Variants in PPP2R1B observed in about 807,000 individuals in gnomAD.
PPP2R1B encodes protein phosphatase 2 scaffold subunit Abeta.
A neutral mutation model predicts 72.7 loss-of-function variants in PPP2R1B; 58 were observed. The observed-to-expected ratio is 0.80, with a 90% CI of 0.65 to 0.99. PPP2R1B has a LOEUF of 0.99. PPP2R1B is among the 50% of genes least tolerant of loss of function. The pLI, the probability that PPP2R1B is intolerant of heterozygous loss-of-function variation, is 0.00. For synonymous variants in PPP2R1B, 256 were observed against 264.6 expected (o/e 0.97, Z 0.32); for missense variants, 695 against 733.6 (o/e 0.95, Z 0.61).
the PPP2R1B span, chr11:111,720,411 C>T: frequency 6.8e-6 from 10 of 1,469,404 alleles, no homozygotes; most frequent in East Asian, 2.3e-4. Context: ...GCTGGTTATG[C>T]TTTGTACCCT....
intron 1 of PPP2R1B, 184 bp downstream of exon 1, chr11:111,766,064 C>A: frequency 1.6e-6 from 1 of 632,978 alleles, no homozygotes; most frequent in Non-Finnish European, 2.8e-6. Context: ...TAGAGAGGTA[C>A]CCGGGAGGGT....
chr11:111,698,643 G>C, the PPP2R1B span, among the ~76,000 whole-genome samples: 1 of 152,166 alleles, frequency 6.6e-6, no homozygotes, highest in Non-Finnish European at 1.5e-5. Flanking sequence ...GTTGAGGTGC[G>C]AGGACTGCAG....
chr11:111,739,806 A>AT lies in PPP2R1B; in HGVS notation c.*1789dup. 1.0e-6 allele frequency: 1 copy of AT among 967,652 alleles called. No individual in the cohort carries two copies. The highest frequency in any genetic ancestry group is 1.2e-6 in the Non-Finnish European group (1 of 813,756). The allele number at this position is 967,652 out of a possible 1,614,324, so 59.9% of individuals were successfully genotyped here. ...ATTAAAATGTTTACAGAATAATAGCATAAGATATTAAAATGAGAATATAGA... is the reference window on the plus strand; with the variant it reads ...ATTAAAATGTTTACAGAATAATAGCATTAAGATATTAAAATGAGAATATAGA... On this transcript the variant is annotated 3_prime_UTR_variant, in exon 15 of 15. Transcript: ENST00000527614.
chr11:111,723,398 A>G, downstream of PPP2R1B: 2 of 1,313,870 alleles, frequency 1.5e-6, no homozygotes, highest in Admixed American at 2.3e-5. Context: ...GAGAGACTTA[A>G]GTAGAAGACT....
chr11:111,703,103 A>G, the PPP2R1B span: 1 of 993,836 alleles, frequency 1.0e-6, no homozygotes, highest in Non-Finnish European at 1.5e-6. Context: ...AGTAGAGGAT[A>G]CAAAGATTAA....
At chr11:111,718,311 G>T in the PPP2R1B span, among the ~76,000 whole-genome samples, 1 of 152,158 alleles carries the variant, frequency 6.6e-6, no homozygotes, top group African/African-American at 2.4e-5. Flanking sequence ...ATTCTTTCTT[G>T]CAAGGAAACT....
chr11:111,766,378 C>T lies in PPP2R1B; in HGVS notation c.-17G>A. 1.2e-6 allele frequency: 2 copies of T among 1,600,288 alleles called. No homozygotes were observed. Among genetic ancestry groups the T allele is most frequent in the Non-Finnish European group, 8.5e-7 (1 of 1,174,826 alleles). ...GCCCGCCATGTTCTTTCTCCTCCTGCTGCTGGTCACCGCCTCCCGCCCCGC... is the reference window on the plus strand; with the variant it reads ...GCCCGCCATGTTCTTTCTCCTCCTGTTGCTGGTCACCGCCTCCCGCCCCGC... On this transcript the variant is annotated 5_prime_UTR_variant, in exon 1 of 15. Transcript: ENST00000527614.
rs782678834 is a variant in PPP2R1B, at chr11:111,753,544, A to C, written c.1063T>G (p.Ser355Ala). 8.7e-6 allele frequency: 14 copies of C among 1,612,716 alleles called. No homozygotes were observed. The highest frequency in any genetic ancestry group is 1.7e-4 in the Middle Eastern group (1 of 6,060). Residue 355 changes from serine (S) to alanine (A), a missense_variant, in exon 9 of 15, where the codon TCG becomes GCG. Physicochemically the swap from Ser to Ala is moderately conservative, Grantham distance 99 (BLOSUM62 1). Coordinates refer to ENST00000527614, the MANE Select transcript of PPP2R1B (RefSeq NM_002716.5). Reference protein sequence around the residue: ...LVSDTNQHVKSALASVIMGLS... With the variant: ...LVSDTNQHVKAALASVIMGLS... ...CCCATAATTACAGAAGCTAGAGCCGATTTGACATGTTGATTGGTATCGGAT... is the reference window on the plus strand; with the variant it reads ...CCCATAATTACAGAAGCTAGAGCCGCTTTGACATGTTGATTGGTATCGGAT...
chr11:111,704,124 G>C, the PPP2R1B span, among the ~76,000 whole-genome samples: 1 of 152,268 alleles, frequency 6.6e-6, no homozygotes, highest in Admixed American at 6.5e-5. Flanking sequence ...CCTTTCCCCC[G>C]CCACGTAGCC....
chr11:111,742,323 AG>A, intron 13 of PPP2R1B, 179 bp from the exon 14 acceptor site: 45 of 643,520 alleles, frequency 7.0e-5, no homozygotes, highest in South Asian at 4.4e-4. Flanking sequence ...GCTTCAGACA[AG>A]GATCTACACA....
intron 7 of PPP2R1B, 50 bp from the exon 8 acceptor site, chr11:111,754,619 G>C: frequency 6.4e-7 from 1 of 1,570,304 alleles, no homozygotes; most frequent in Non-Finnish European, 8.6e-7. Flanking sequence ...CATTTACAAA[G>C]AGCCAAATGA....
chr11:111,706,296 A>T, the PPP2R1B span, among the ~76,000 whole-genome samples: 1 of 152,162 alleles, frequency 6.6e-6, no homozygotes, highest in Non-Finnish European at 1.5e-5. Flanking sequence ...CTTAGAGATG[A>T]CTCTGTTCTT....
chr11:111,763,209 T>C (rs1555051899), intron 3 of PPP2R1B, among the ~76,000 whole-genome samples: 1 of 152,204 alleles, frequency 6.6e-6, no homozygotes, highest in East Asian at 1.9e-4. Flanking sequence ...AGGGAAGACC[T>C]AGGGCAAAGG....
the PPP2R1B span, chr11:111,721,800 G>T: frequency 6.4e-7 from 1 of 1,564,716 alleles, no homozygotes; most frequent in Non-Finnish European, 8.7e-7. Flanking sequence ...ATGGGGAATT[G>T]AAAATTGTTT....
the PPP2R1B span, among the ~76,000 whole-genome samples, chr11:111,708,953 A>G: frequency 6.6e-6 from 1 of 152,188 alleles, no homozygotes; most frequent in South Asian, 2.1e-4. Flanking sequence ...AGTTTCCATC[A>G]GCTGGAAACA....
rs1215744310 is a variant in PPP2R1B, at chr11:111,750,838, G to GT, written c.1338+1320dup. ...ATTACAAGCTTCAGTTTTTGTTTTT[G>GT]TTTTGTTTTTTTTTTTTTGACACAA... On this transcript the variant is annotated intron_variant, in intron 10 of 14. Transcript: ENST00000527614. Among the ~76,000 whole-genome samples the GT allele has an allele frequency of 7.0e-5, 9 of 128,346 alleles. No homozygotes were observed. The East Asian group carries it at 2.1e-3, about 30-fold the overall frequency. 84.2% of individuals were successfully genotyped at this position (128,346 alleles called of 152,430 possible). A position where few individuals can be genotyped will look rare whatever the true frequency, so the allele number is the denominator to read the frequency against.
At chr11:111,763,797 G>A (rs623550) in intron 3 of PPP2R1B, among the ~76,000 whole-genome samples, 22 of 151,620 alleles carry the variant, frequency 1.5e-4, no homozygotes, top group Non-Finnish European at 2.8e-4. Context: ...ATACCTGTTT[G>A]ACATACAAGT....
chr11:111,706,517 C>T, the PPP2R1B span, among the ~76,000 whole-genome samples: 2 of 152,094 alleles, frequency 1.3e-5, no homozygotes, highest in Non-Finnish European at 2.9e-5. Context: ...AGAGTTTTGA[C>T]TTTGTATTTC....
chr11:111,706,216 T>A, the PPP2R1B span, among the ~76,000 whole-genome samples: 1 of 152,252 alleles, frequency 6.6e-6, no homozygotes, highest in Non-Finnish European at 1.5e-5. Context: ...GCCTGGCACA[T>A]AGTAAGTGCT....
Sources: gnomAD v4.1 joint callset for allele counts (sites outside exome capture counted in the v4.1 genomes callset) on GRCh38, gnomAD v4.1.1 for gene constraint, MANE v1.5 for transcripts, NCBI Gene and HGNC (gene_info 2026-07-23, HGNC 2026-07-21) for gene names.